The following MS4A6E variants were observed in gnomAD, a reference collection of about 807,000 sequenced individuals.
MS4A6E encodes membrane spanning 4-domains A6E.
MS4A6E carries 8 observed loss-of-function variants against 13.2 expected under a neutral mutation model. That is an observed-to-expected ratio of 0.60 (90% CI 0.35 to 1.09). MS4A6E has a LOEUF of 1.09. MS4A6E is among the 50% of genes least tolerant of loss of function. MS4A6E has a pLI of 0.02. For synonymous variants in MS4A6E, 72 were observed against 67.6 expected, an observed-to-expected ratio of 1.06 and a Z score of -0.32; for missense variants, 177 against 171.1, an observed-to-expected ratio of 1.03 and a Z score of -0.19.
intron 4 of MS4A6E, among the ~76,000 whole-genome samples, chr11:60,347,140 G>A (rs891033689): frequency 6.6e-6 from 1 of 152,134 alleles, no homozygotes; most frequent in Non-Finnish European, 1.5e-5. Flanking sequence ...ATGGTTAGTG[G>A]GGGTCCCAGA....
rs144634287 is a variant in MS4A6E at position 60,329,954 on chromosome 11, T to C, written c.-15+2546T>C. 1.7e-4 allele frequency among the ~76,000 whole-genome samples: 26 copies of C among 151,488 alleles called. 1 individual carries two copies. The highest frequency in any genetic ancestry group is 3.4e-3 in the Middle Eastern group (1 of 290). ...GATTCTCCTGCCTCAGCCTCCTGAG[T>C]AGCTGAGACTACAGGTGCATACCAG... On this transcript the variant is annotated intron_variant, in intron 1 of 4. Transcript: ENST00000684409.
At chr11:60,332,981 T>A (rs1271897097) in intron 1 of MS4A6E, among the ~76,000 whole-genome samples, 1 of 152,264 alleles carries the variant, frequency 6.6e-6, no homozygotes, top group Non-Finnish European at 1.5e-5. Flanking sequence ...ATTGTCACTT[T>A]GAGGAAAATG....
downstream of MS4A6E, among the ~76,000 whole-genome samples, chr11:60,342,708 G>T (rs1301585884): frequency 2.0e-5 from 3 of 152,184 alleles, no homozygotes; most frequent in Non-Finnish European, 4.4e-5. Context: ...GAACCTCCAT[G>T]CTTAATATAT....
intron 1 of MS4A6E, among the ~76,000 whole-genome samples, chr11:60,333,615 C>T (rs2085170568): frequency 6.6e-6 from 1 of 152,126 alleles, no homozygotes; most frequent in Non-Finnish European, 1.5e-5. Context: ...AGCTGAGATG[C>T]AGATGGGACC....
At chr11:60,342,196 AGAGAGGGG>A (rs139000890), downstream of MS4A6E, among the ~76,000 whole-genome samples, 13,032 of 118,288 alleles carry the variant, frequency 0.11, 1,133 homozygotes, top group African/African-American at 0.24. Context: ...AGAGAGAGAG[AGAGAGGGG>A]GGGGGAGAGA....
downstream of MS4A6E, among the ~76,000 whole-genome samples, chr11:60,342,194 AGAGAGAG>A (rs1554998914): frequency 1.2e-5 from 1 of 84,574 alleles, no homozygotes; most frequent in Non-Finnish European, 2.4e-5. Context: ...AGAGAGAGAG[AGAGAGAG>A]GGGGGGGGAG....
intron 4 of MS4A6E, among the ~76,000 whole-genome samples, chr11:60,348,698 A>G (rs890020603): frequency 1.3e-5 from 2 of 152,216 alleles, no homozygotes; most frequent in Non-Finnish European, 2.9e-5. Context: ...TTCCAGCCCC[A>G]TGCAACAGCT....
chr11:60,341,929 C>G (rs376150019), downstream of MS4A6E, among the ~76,000 whole-genome samples: 8 of 152,102 alleles, frequency 5.3e-5, no homozygotes, highest in East Asian at 7.7e-4. Context: ...TTATTGGATA[C>G]CAGACACTAT....
At chr11:60,344,344 G>A (rs1590778462), downstream of MS4A6E, among the ~76,000 whole-genome samples, 2 of 152,168 alleles carry the variant, frequency 1.3e-5, no homozygotes, top group Admixed American at 1.3e-4. Flanking sequence ...TGGCATGTGG[G>A]TGAAGTCTGT....
At chr11:60,330,271 G>C (rs564168977) in intron 1 of MS4A6E, among the ~76,000 whole-genome samples, 24 of 145,148 alleles carry the variant, frequency 1.7e-4, no homozygotes, top group South Asian at 1.4e-3. Flanking sequence ...TCACTCTGAT[G>C]ATAGTTTCTT....
intron 2 of MS4A6E, among the ~76,000 whole-genome samples, chr11:60,337,433 TC>T (rs2135061029): frequency 6.6e-6 from 1 of 152,222 alleles, no homozygotes; most frequent in South Asian, 2.1e-4. Context: ...ACAGTAATTT[TC>T]CAGGCAAGCC....
At chr11:60,345,186 G>A (rs1481911792), downstream of MS4A6E, among the ~76,000 whole-genome samples, 8 of 152,000 alleles carry the variant, frequency 5.3e-5, no homozygotes, top group Non-Finnish European at 8.8e-5. Flanking sequence ...CACCCGCCTC[G>A]GCCTCCCAAA....
intron 4 of MS4A6E, among the ~76,000 whole-genome samples, chr11:60,340,444 A>G (rs941741446): frequency 6.6e-6 from 1 of 152,190 alleles, no homozygotes; most frequent in African/African-American, 2.4e-5. Flanking sequence ...GGTGATTTTA[A>G]AATTCTTTTT....
downstream of MS4A6E, among the ~76,000 whole-genome samples, chr11:60,341,962 A>G (rs2085228383): frequency 6.6e-6 from 1 of 152,194 alleles, no homozygotes; most frequent in Admixed American, 6.5e-5. Context: ...AGGGCTACCA[A>G]AGTGAATAAG....
chr11:60,342,182 A>T (rs57818984), downstream of MS4A6E, among the ~76,000 whole-genome samples: 9,507 of 44,922 alleles, frequency 0.21, 514 homozygotes, highest in African/African-American at 0.3. Context: ...TGTGTGTGAG[A>T]GAGAGAGAGA....
intron 4 of MS4A6E, among the ~76,000 whole-genome samples, chr11:60,347,096 T>C (rs924639667): frequency 6.6e-5 from 10 of 151,994 alleles, no homozygotes; most frequent in African/African-American, 9.7e-5. Flanking sequence ...AAGTGGGTAG[T>C]TTTAGAGATA....
chr11:60,328,376 T>C (rs1005446992), intron 1 of MS4A6E, among the ~76,000 whole-genome samples: 3 of 152,026 alleles, frequency 2.0e-5, no homozygotes, highest in Non-Finnish European at 4.4e-5. Context: ...AAATAAGAAA[T>C]ATATATGTGT....
In MS4A6E at chr11:60,340,810, G is replaced by C. The variant is rs1180124456; in HGVS notation, c.*44G>C. The C allele has an allele frequency of 5.0e-6, 1 of 198,460 alleles. No homozygotes were observed. Among genetic ancestry groups the C allele is most frequent in the Non-Finnish European group, 1.1e-5 (1 of 90,702 alleles). The allele number at this position is 198,460 out of a possible 1,614,324, so 12.3% of individuals were successfully genotyped here. Reference sequence around the variant, plus strand: ...TCCTCAAAGACGACTCATGATGCTGGATATGAAGAACTATTGACTTCTTGG... The same window carrying C: ...TCCTCAAAGACGACTCATGATGCTGCATATGAAGAACTATTGACTTCTTGG... On this transcript the variant is annotated 3_prime_UTR_variant, in exon 5 of 5. Transcript: ENST00000684409.
intron 1 of MS4A6E, among the ~76,000 whole-genome samples, chr11:60,333,862 T>C (rs749842981): frequency 1.6e-4 from 25 of 152,324 alleles, no homozygotes; most frequent in Non-Finnish European, 3.7e-4. Context: ...CAAACATAAA[T>C]ATCTGTTTCT....
Sources: gnomAD v4.1 joint callset for allele counts (sites outside exome capture counted in the v4.1 genomes callset) on GRCh38, gnomAD v4.1.1 for gene constraint, MANE v1.5 for transcripts, NCBI Gene and HGNC (gene_info 2026-07-23, HGNC 2026-07-21) for gene names.